GPC5: variants seen among roughly 807,000 people sequenced by gnomAD.
The protein encoded by GPC5 is glypican 5, also known as glypican-5.
Under a neutral mutation model 53.9 loss-of-function variants are expected in GPC5, and 47 were observed. The ratio of observed to expected loss-of-function variants is 0.87; its 90% CI spans 0.69 to 1.11. The LOEUF is 1.11. GPC5 is among the 50% of genes most tolerant of loss of function. The probability of loss-of-function intolerance (pLI) is 0.00; values close to 1 mark genes in which losing one functional copy is unlikely to be tolerated. For synonymous variants in GPC5, 286 were observed against 263.3 expected, an observed-to-expected ratio of 1.09 and a Z score of -0.84; for missense variants, 748 against 713.1, an observed-to-expected ratio of 1.05 and a Z score of -0.56.
intron 6 of GPC5, among the ~76,000 whole-genome samples, chr13:91,920,128 G>A (rs1213224074): frequency 3.3e-5 from 5 of 151,928 alleles, no homozygotes; most frequent in Non-Finnish European, 4.4e-5. Flanking sequence ...AGGGAAAAAA[G>A]AAAGAAATGA....
chr13:92,695,415 T>C (rs1887529649), intron 7 of GPC5, among the ~76,000 whole-genome samples: 1 of 152,218 alleles, frequency 6.6e-6, no homozygotes, highest in African/African-American at 2.4e-5. Context: ...TTATAAGTCC[T>C]GATGGCATTG....
intron 6 of GPC5, among the ~76,000 whole-genome samples, chr13:92,002,097 CCT>C (rs1196912082): frequency 2.0e-5 from 3 of 151,794 alleles, no homozygotes; most frequent in African/African-American, 7.3e-5. Context: ...TTTGTTTACC[CCT>C]CTCTCTGTAT....
intron 7 of GPC5, among the ~76,000 whole-genome samples, chr13:92,725,322 A>G (rs1178866313): frequency 6.6e-6 from 1 of 151,556 alleles, no homozygotes; most frequent in East Asian, 1.9e-4. Context: ...CCTCCGTTAT[A>G]TATCTGTTCT....
rs141994552 is a variant in GPC5 at position 91,434,192 on chromosome 13, A to G, written c.164-14569A>G. Among the ~76,000 whole-genome samples the G allele has an allele frequency of 9.7e-3, 1,461 of 150,218 alleles. 17 individuals are homozygous for G. Among genetic ancestry groups the G allele is most frequent in the Non-Finnish European group, 0.015 (982 of 67,382 alleles). On this transcript the variant is annotated intron_variant, in intron 1 of 7. Transcript: ENST00000377067. The stretch of plus-strand genomic sequence containing the variant: ...TGGTAGTTTCTTTTGCTGTGCAGAA[A>G]CTCTTTAGTTTAATTAGATCCCATT...
chr13:92,781,678 T>C (rs1461689535), intron 7 of GPC5, among the ~76,000 whole-genome samples: 1 of 152,190 alleles, frequency 6.6e-6, no homozygotes, highest in Non-Finnish European at 1.5e-5. Context: ...ATGATCATGA[T>C]GCAAATAAGG....
intron 7 of GPC5, among the ~76,000 whole-genome samples, chr13:92,417,698 C>T (rs998294574): frequency 3.9e-5 from 6 of 152,020 alleles, no homozygotes; most frequent in Admixed American, 6.5e-5. Context: ...CATGGAGAAA[C>T]CCCATCTCTA....
intron 5 of GPC5, among the ~76,000 whole-genome samples, chr13:91,831,000 T>C (rs547957630): frequency 1.5e-5 from 2 of 137,368 alleles, no homozygotes; most frequent in African/African-American, 5.4e-5. Context: ...ATATAATATA[T>C]ATATCCTATT....
At chr13:91,754,758 T>C (rs1214136631) in intron 4 of GPC5, among the ~76,000 whole-genome samples, 1 of 152,176 alleles carries the variant, frequency 6.6e-6, no homozygotes, top group Non-Finnish European at 1.5e-5. Flanking sequence ...AGTAAAGACA[T>C]AGCTGTCTTT....
intron 6 of GPC5, among the ~76,000 whole-genome samples, chr13:91,924,835 ATT>A (rs751973389): frequency 6.2e-5 from 9 of 145,292 alleles, no homozygotes; most frequent in African/African-American, 5.0e-5. Flanking sequence ...TACTTCATGA[ATT>A]TTTTTTTTTT....
chr13:91,703,186 C>T (rs1645734548), intron 3 of GPC5, among the ~76,000 whole-genome samples: 1 of 151,974 alleles, frequency 6.6e-6, no homozygotes. Flanking sequence ...TGCCTAATTG[C>T]TCTGGCAAGA....
rs531899296 is a variant in GPC5 at position 92,630,498 on chromosome 13, T to G, written c.1562-235784T>G. On this transcript the variant is annotated intron_variant, in intron 7 of 7. Coordinates refer to ENST00000377067, the MANE Select transcript of GPC5 (RefSeq NM_004466.6). Reference sequence around the variant, plus strand: ...TTTTTAATAGTAACTATTTGAAAATTAAGAAAATACTTTCTGACATAATAA... The same window carrying G: ...TTTTTAATAGTAACTATTTGAAAATGAAGAAAATACTTTCTGACATAATAA... 1.9e-4 allele frequency among the ~76,000 whole-genome samples: 21 copies of G among 112,974 alleles called. No homozygotes were observed. In the South Asian group the frequency reaches 5.5e-3, roughly 30 times the overall value. The allele number at this position is 112,974 out of a possible 152,430, so 74.1% of individuals were successfully genotyped here.
At chr13:91,637,474 C>T (rs536915188) in intron 2 of GPC5, among the ~76,000 whole-genome samples, 2 of 152,244 alleles carry the variant, frequency 1.3e-5, no homozygotes, top group South Asian at 2.1e-4. Flanking sequence ...TGCTTACTGT[C>T]TGTGGACAAG....
intron 7 of GPC5, among the ~76,000 whole-genome samples, chr13:92,751,326 A>AAC (rs1436633992): frequency 3.9e-4 from 58 of 147,608 alleles, no homozygotes; most frequent in African/African-American, 1.4e-3. Context: ...AAAAAAAAAA[A>AAC]AAAAAAAAAC....
rs148825866 is a variant in GPC5, at chr13:91,419,094, C to A, written c.163+19885C>A. 9.9e-5 allele frequency among the ~76,000 whole-genome samples: 15 copies of A among 151,934 alleles called. No individual in the cohort carries two copies. The East Asian group carries it at 2.9e-3, about 29-fold the overall frequency. On this transcript the variant is annotated intron_variant, in intron 1 of 7. Coordinates refer to ENST00000377067, the MANE Select transcript of GPC5 (RefSeq NM_004466.6). ...TTAATATATTCTTATGCTGTAGGAC[C>A]CTTTTATTACTATACAAGTTATAAA...
At chr13:92,237,476 C>G (rs1295236609) in intron 7 of GPC5, among the ~76,000 whole-genome samples, 1 of 152,010 alleles carries the variant, frequency 6.6e-6, no homozygotes, top group Non-Finnish European at 1.5e-5. Flanking sequence ...CCTTAGCCTC[C>G]CAAAATGCTG....
At chr13:92,483,639 A>G (rs892595358) in intron 7 of GPC5, among the ~76,000 whole-genome samples, 6 of 150,858 alleles carry the variant, frequency 4.0e-5, no homozygotes, top group Admixed American at 2.0e-4. Flanking sequence ...TTTTTCTTCA[A>G]TAATAAATTT....
chr13:92,576,263 C>A (rs1883187871), intron 7 of GPC5, among the ~76,000 whole-genome samples: 1 of 152,158 alleles, frequency 6.6e-6, no homozygotes, highest in African/African-American at 2.4e-5. Context: ...ATGCAGTGAT[C>A]TGTTACTGCC....
At chr13:92,777,407 G>A (rs546083990) in intron 7 of GPC5, among the ~76,000 whole-genome samples, 1 of 151,558 alleles carries the variant, frequency 6.6e-6, no homozygotes, top group South Asian at 2.1e-4. Flanking sequence ...GGCCAAGGCA[G>A]GCAGATCACG....
chr13:92,231,321 T>A (rs1369658562), intron 7 of GPC5, among the ~76,000 whole-genome samples: 14 of 152,206 alleles, frequency 9.2e-5, no homozygotes. Context: ...CAGTGCATGT[T>A]ATCTCTCTTT....
Sources: allele counts gnomAD v4.1 joint callset (sites outside exome capture counted in the v4.1 genomes callset), GRCh38; gene constraint gnomAD v4.1.1; transcripts MANE v1.5; gene names NCBI Gene and HGNC (gene_info 2026-07-23, HGNC 2026-07-21).